DNM3: variants seen among roughly 807,000 people sequenced by gnomAD.
The protein encoded by DNM3 is dynamin 3, also known as dynamin-3.
Under a neutral mutation model 101.6 loss-of-function variants are expected in DNM3, and 47 were observed. The ratio of observed to expected loss-of-function variants is 0.46; its 90% CI spans 0.37 to 0.59. The LOEUF is 0.59. DNM3 is among the 20% of genes least tolerant of loss of function. The pLI is 0.00. For missense variants in DNM3, 849 were observed against 1,085.7 expected, an observed-to-expected ratio of 0.78 and a Z score of 3.06; for synonymous variants, 385 against 387.9, an observed-to-expected ratio of 0.99 and a Z score of 0.09.
At chr1:172,236,028 G>T (rs1322060124) in intron 14 of DNM3, among the ~76,000 whole-genome samples, 1 of 151,992 alleles carries the variant, frequency 6.6e-6, no homozygotes, top group Admixed American at 6.6e-5. Flanking sequence ...TTAGCTATTG[G>T]GGCCATACAG....
intron 14 of DNM3, among the ~76,000 whole-genome samples, chr1:172,229,859 A>G (rs1054163639): frequency 3.3e-5 from 5 of 151,922 alleles, no homozygotes; most frequent in African/African-American, 1.2e-4. Context: ...CACTGTCCAA[A>G]TTGTGCTGAT....
intron 17 of DNM3, among the ~76,000 whole-genome samples, chr1:172,331,461 T>C (rs1271999354): frequency 1.3e-5 from 2 of 152,122 alleles, no homozygotes; most frequent in African/African-American, 4.8e-5. Flanking sequence ...AAAAGCATGA[T>C]GACAATTGAA....
At chr1:172,412,845 A>G (rs2071287939), downstream of DNM3, 2 of 731,730 alleles carry the variant, frequency 2.7e-6, no homozygotes, top group South Asian at 1.2e-4. Context: ...GAATGATAGC[A>G]TTTTCCATTT....
intron 13 of DNM3, among the ~76,000 whole-genome samples, chr1:172,110,580 C>T (rs915505985): frequency 1.3e-5 from 2 of 152,210 alleles, no homozygotes; most frequent in African/African-American, 2.4e-5. Flanking sequence ...CAAACTGTGA[C>T]ATTAACATCC....
At chr1:172,306,787 T>G (rs1191878837) in intron 15 of DNM3, among the ~76,000 whole-genome samples, 3 of 152,236 alleles carry the variant, frequency 2.0e-5, no homozygotes, top group African/African-American at 7.2e-5. Context: ...AAGGATTCCC[T>G]ATTTAATAAA....
intron 7 of DNM3, among the ~76,000 whole-genome samples, chr1:172,038,670 A>G (rs2049141863): frequency 6.6e-6 from 1 of 152,182 alleles, no homozygotes; most frequent in Non-Finnish European, 1.5e-5. Flanking sequence ...CCAGTTGAGC[A>G]TCCTCATGCC....
intron 2 of DNM3, among the ~76,000 whole-genome samples, chr1:171,956,691 A>C (rs1010750498): frequency 9.9e-5 from 15 of 152,138 alleles, no homozygotes; most frequent in Admixed American, 1.3e-4. Flanking sequence ...CTCTGACTCC[A>C]CATTTCCCTT....
At chr1:172,339,700 T>A (rs1558016485) in intron 17 of DNM3, among the ~76,000 whole-genome samples, 1 of 152,206 alleles carries the variant, frequency 6.6e-6, no homozygotes, top group Non-Finnish European at 1.5e-5. Context: ...TCCTCCCTGC[T>A]TGTCCTGCCT....
chr1:172,221,473 C>T (rs1030004722), intron 14 of DNM3, among the ~76,000 whole-genome samples: 2 of 152,012 alleles, frequency 1.3e-5, no homozygotes, highest in Non-Finnish European at 2.9e-5. Flanking sequence ...AAGCAAATGC[C>T]GTTCACTTTA....
chr1:172,061,572 A>G (rs2051210415), intron 10 of DNM3, among the ~76,000 whole-genome samples: 2 of 151,836 alleles, frequency 1.3e-5, no homozygotes, highest in African/African-American at 4.8e-5. Context: ...ATTGGAAATC[A>G]TCATTCTCAG....
chr1:172,051,491 A>G (rs1228258133), intron 10 of DNM3, among the ~76,000 whole-genome samples: 2 of 152,212 alleles, frequency 1.3e-5, no homozygotes, highest in African/African-American at 2.4e-5. Context: ...CCACTCTAGC[A>G]TCATAGTTTC....
At chr1:172,153,266 A>G (rs1393773929) in intron 14 of DNM3, among the ~76,000 whole-genome samples, 1 of 152,160 alleles carries the variant, frequency 6.6e-6, no homozygotes, top group East Asian at 1.9e-4. Flanking sequence ...ACATTCTGCA[A>G]CAAGTTCATA....
At position 172,408,665 on chromosome 1, in the gene DNM3, A is replaced by G; in HGVS notation, c.*824A>G. The G allele has an allele frequency of 1.0e-6, 1 of 985,032 alleles. No homozygotes were observed. Among genetic ancestry groups the G allele is most frequent in the African/African-American group, 1.7e-5 (1 of 57,362 alleles). The allele number at this position is 985,032 out of a possible 1,614,324, so 61.0% of individuals were successfully genotyped here. A position where few individuals can be genotyped will look rare whatever the true frequency, so the allele number is the denominator to read the frequency against. On this transcript the variant is annotated 3_prime_UTR_variant, in exon 21 of 21. Coordinates refer to ENST00000627582, the MANE Select transcript of DNM3 (RefSeq NM_015569.5). ...TCATGGTAGGTTATATTGAAGGCTG[A>G]CATGGAGAATGTTTACTTTTCTATT...
chr1:172,335,915 C>A (rs2066403131), intron 17 of DNM3, among the ~76,000 whole-genome samples: 1 of 152,056 alleles, frequency 6.6e-6, no homozygotes, highest in South Asian at 2.1e-4. Context: ...ATGTAACAAA[C>A]CTGCACGTTT....
At chr1:172,325,458 G>A (rs897603737) in intron 17 of DNM3, among the ~76,000 whole-genome samples, 10 of 151,956 alleles carry the variant, frequency 6.6e-5, no homozygotes, top group South Asian at 2.1e-4. Flanking sequence ...TTATGAATAA[G>A]TGATAGTTTG....
chr1:172,158,854 A>T (rs957905544), intron 14 of DNM3, among the ~76,000 whole-genome samples: 1 of 152,126 alleles, frequency 6.6e-6, no homozygotes, highest in African/African-American at 2.4e-5. Context: ...TGTGAGCTAC[A>T]GTTATAAGCA....
chr1:172,154,374 G>T (rs1337610240), intron 14 of DNM3, among the ~76,000 whole-genome samples: 3 of 152,024 alleles, frequency 2.0e-5, no homozygotes, highest in Non-Finnish European at 4.4e-5. Flanking sequence ...CATTTTTGGA[G>T]CATTTGAGAG....
chr1:172,385,681 A>G (rs1044975359), intron 18 of DNM3, among the ~76,000 whole-genome samples: 4 of 152,232 alleles, frequency 2.6e-5, no homozygotes, highest in African/African-American at 9.6e-5. Context: ...TCATCTCTGA[A>G]TTACAAATTT....
At chr1:171,906,091 G>GTAT (rs1197192173) in intron 1 of DNM3, among the ~76,000 whole-genome samples, 1 of 150,832 alleles carries the variant, frequency 6.6e-6, no homozygotes, top group Non-Finnish European at 1.5e-5. Context: ...GGCTTGTCAA[G>GTAT]TATTAGTAAG....
Sources: allele counts gnomAD v4.1 joint callset (sites outside exome capture counted in the v4.1 genomes callset), GRCh38; gene constraint gnomAD v4.1.1; transcripts MANE v1.5; gene names NCBI Gene and HGNC (gene_info 2026-07-23, HGNC 2026-07-21).